The following ZNF804B variants were observed in gnomAD, a reference collection of about 807,000 sequenced individuals.
ZNF804B encodes the protein zinc finger 804B.
A neutral mutation model predicts 101.4 loss-of-function variants in ZNF804B; 80 were observed. The observed-to-expected ratio is 0.79, with a 90% CI of 0.66 to 0.95. The LOEUF (loss-of-function observed/expected upper bound fraction) is 0.95. Among genes scored for constraint, ZNF804B ranks in the 40% least tolerant of loss-of-function variants. The probability of loss-of-function intolerance (pLI) is 0.00; values close to 1 mark genes in which losing one functional copy is unlikely to be tolerated. For missense variants in ZNF804B, 1,673 were observed against 1,561.9 expected, an observed-to-expected ratio of 1.07 and a Z score of -1.20; for synonymous variants, 622 against 558.8, an observed-to-expected ratio of 1.11 and a Z score of -1.59.
intron 1 of ZNF804B, among the ~76,000 whole-genome samples, chr7:89,132,389 G>A (rs953947195): frequency 6.6e-6 from 1 of 151,940 alleles, no homozygotes; most frequent in Non-Finnish European, 1.5e-5. Flanking sequence ...AACCAGACTG[G>A]AAGTGAGGAA....
chr7:89,087,347 A>T (rs184113734), intron 1 of ZNF804B, among the ~76,000 whole-genome samples: 3 of 142,270 alleles, frequency 2.1e-5, no homozygotes, highest in Admixed American at 7.1e-5. Context: ...ATAAAAAAAA[A>T]GGGTCCAAAT....
At chr7:89,173,628 G>A (rs537651732) in intron 1 of ZNF804B, among the ~76,000 whole-genome samples, 17 of 151,994 alleles carry the variant, frequency 1.1e-4, no homozygotes, top group African/African-American at 3.1e-4. Context: ...TGTCACAGGC[G>A]GTCATATGAA....
At position 89,336,972 on chromosome 7, in the gene ZNF804B, C is replaced by G; in HGVS notation, c.3990C>G (p.Ser1330Arg). The change falls in exon 4 of 4, where the codon AGC (serine) becomes AGG (arginine). Residue 1330 changes from serine to arginine, a missense_variant. Ser to Arg is a moderately radical substitution (Grantham distance 110, BLOSUM62 -1). Coordinates refer to ENST00000333190, the MANE Select transcript of ZNF804B (RefSeq NM_181646.5). ...GQDFCHHSCSSQMQQLNEVKE... is the reference protein window; with the variant it reads ...GQDFCHHSCSRQMQQLNEVKE... ...ATTTTTGCCATCATTCTTGCTCTAG[C>G]CAGATGCAACAGCTAAATGAAGTGA... 3 of 1,614,018 alleles carry G rather than the reference C, an allele frequency of 1.9e-6. No individual in the cohort carries two copies. Among genetic ancestry groups the G allele is most frequent in the Non-Finnish European group, 2.5e-6 (3 of 1,179,964 alleles).
chr7:88,808,261 A>G (rs1253868572), intron 1 of ZNF804B, among the ~76,000 whole-genome samples: 1 of 151,930 alleles, frequency 6.6e-6, no homozygotes, highest in Non-Finnish European at 1.5e-5. Context: ...ATGCGCCTGT[A>G]ATCCCAGCTA....
intron 3 of ZNF804B, among the ~76,000 whole-genome samples, chr7:89,329,200 C>T (rs770341948): frequency 2.6e-5 from 4 of 151,600 alleles, no homozygotes; most frequent in East Asian, 3.9e-4. Context: ...ACAATGTGCC[C>T]GTATTGTTAT....
intron 1 of ZNF804B, among the ~76,000 whole-genome samples, chr7:89,109,375 A>G (rs1790180663): frequency 6.6e-6 from 1 of 152,190 alleles, no homozygotes; most frequent in African/African-American, 2.4e-5. Flanking sequence ...ATTTTATATC[A>G]TGATGTTAAT....
chr7:89,104,165 C>T (rs1178283645), intron 1 of ZNF804B, among the ~76,000 whole-genome samples: 1 of 151,958 alleles, frequency 6.6e-6, no homozygotes, highest in Non-Finnish European at 1.5e-5. Context: ...CATCTATGTT[C>T]ATCAGGGTTA....
At chr7:89,325,452 A>T (rs181752437) in intron 2 of ZNF804B, among the ~76,000 whole-genome samples, 9 of 152,122 alleles carry the variant, frequency 5.9e-5, no homozygotes, top group Non-Finnish European at 4.4e-5. Flanking sequence ...GGAAAAAAAA[A>T]TTGATTTGTT....
intron 2 of ZNF804B, among the ~76,000 whole-genome samples, chr7:89,249,809 A>G (rs547572491): frequency 1.3e-5 from 2 of 152,328 alleles, no homozygotes; most frequent in South Asian, 4.1e-4. Flanking sequence ...AATGAAATTG[A>G]GACCCCAAAA....
rs973687636 is a variant in ZNF804B at position 89,268,007 on chromosome 7, T to C, written c.249+49712T>C. ...ATATCTTTTCTGGAAATAATCTCTC[T>C]TTGGTAATCTAAAGGCTGCCCACAT... On this transcript the variant is annotated intron_variant, in intron 2 of 3. Coordinates refer to ENST00000333190, the MANE Select transcript of ZNF804B (RefSeq NM_181646.5). Among the ~76,000 whole-genome samples the C allele has an allele frequency of 3.9e-5, 6 of 152,116 alleles. No individual in the cohort carries two copies. The South Asian group carries it at 1.2e-3, about 31-fold the overall frequency.
chr7:89,014,818 T>C (rs1375365852), intron 1 of ZNF804B, among the ~76,000 whole-genome samples: 1 of 151,776 alleles, frequency 6.6e-6, no homozygotes, highest in African/African-American at 2.4e-5. Context: ...TTCCACTCTG[T>C]TAATTGTTTG....
At chr7:89,220,089 A>G (rs1304273193) in intron 2 of ZNF804B, among the ~76,000 whole-genome samples, 1 of 122,828 alleles carries the variant, frequency 8.1e-6, no homozygotes, top group Non-Finnish European at 1.7e-5. Flanking sequence ...ATACATATAT[A>G]TACGCACATA....
chr7:89,171,288 G>GCTGCTGCTGCTTCTTCTTCTT (rs1215246589), intron 1 of ZNF804B, among the ~76,000 whole-genome samples: 126 of 82,516 alleles, frequency 1.5e-3, no homozygotes, highest in African/African-American at 5.1e-3. Context: ...TGCTGCTGCT[G>GCTGCTGCTGCTTCTTCTTCTT]CTTCTTCTTC....
intron 1 of ZNF804B, among the ~76,000 whole-genome samples, chr7:88,802,025 T>C (rs1485525144): frequency 6.6e-6 from 1 of 152,036 alleles, no homozygotes; most frequent in Non-Finnish European, 1.5e-5. Flanking sequence ...CTTGGGGCAG[T>C]TTCCCTCATG....
chr7:88,905,827 G>T (rs1792461314), intron 1 of ZNF804B, among the ~76,000 whole-genome samples: 1 of 151,048 alleles, frequency 6.6e-6, no homozygotes, highest in Admixed American at 6.6e-5. Flanking sequence ...AATAGTTTCA[G>T]TGGGACTCGT....
chr7:89,222,335 C>A (rs1019028411), intron 2 of ZNF804B, among the ~76,000 whole-genome samples: 2 of 151,814 alleles, frequency 1.3e-5, no homozygotes, highest in Non-Finnish European at 2.9e-5. Context: ...CATAATTAAT[C>A]TCACTTCTAA....
At chr7:89,327,852 C>T (rs1790920308) in intron 3 of ZNF804B, among the ~76,000 whole-genome samples, 1 of 151,822 alleles carries the variant, frequency 6.6e-6, no homozygotes, top group Non-Finnish European at 1.5e-5. Flanking sequence ...TGAACATTTC[C>T]GTGTACACAC....
intron 1 of ZNF804B, among the ~76,000 whole-genome samples, chr7:89,004,157 T>G (rs1048619195): frequency 1.3e-5 from 2 of 151,616 alleles, no homozygotes; most frequent in Admixed American, 6.6e-5. Context: ...GTTAGAGATT[T>G]TAAAATGTAT....
intron 2 of ZNF804B, among the ~76,000 whole-genome samples, chr7:89,234,067 C>G (rs1444502073): frequency 2.0e-5 from 3 of 151,952 alleles, no homozygotes; most frequent in Non-Finnish European, 4.4e-5. Flanking sequence ...TCAACTTAGC[C>G]AAAAAGCCAT....
Sources: allele counts gnomAD v4.1 joint callset (sites outside exome capture counted in the v4.1 genomes callset), GRCh38; gene constraint gnomAD v4.1.1; transcripts MANE v1.5; gene names NCBI Gene and HGNC (gene_info 2026-07-23, HGNC 2026-07-21).